The following MPP7 variants were observed in gnomAD, a reference collection of about 807,000 sequenced individuals.
MPP7 encodes the protein MAGUK p55 scaffold protein 7, also known as MAGUK p55 subfamily member 7.
MPP7 carries 60 observed loss-of-function variants against 76.5 expected under a neutral mutation model. The observed-to-expected ratio is 0.78, with a 90% confidence interval of 0.64 to 0.97. The LOEUF (loss-of-function observed/expected upper bound fraction) is 0.97, where lower values mean the gene tolerates loss of function less well. Among genes scored for constraint, MPP7 ranks in the 50% least tolerant of loss-of-function variants. MPP7 has a pLI of 0.00. For missense variants in MPP7, 641 were observed against 694.0 expected (o/e 0.92, Z 0.86); for synonymous variants, 237 against 244.5 (o/e 0.97, Z 0.29).
chr10:28,231,716 T>C (rs1838890299), intron 2 of MPP7, among the ~76,000 whole-genome samples: 1 of 152,202 alleles, frequency 6.6e-6, no homozygotes, highest in Non-Finnish European at 1.5e-5. Context: ...TCTTTTAACC[T>C]TTAAAATAAA....
At chr10:28,178,044 T>C (rs1447963588) in intron 3 of MPP7, among the ~76,000 whole-genome samples, 1 of 152,140 alleles carries the variant, frequency 6.6e-6, no homozygotes, top group Non-Finnish European at 1.5e-5. Context: ...TAACCAACAG[T>C]AGCTGATTTT....
chr10:28,296,370 T>C (rs1841035726), intron 1 of MPP7, among the ~76,000 whole-genome samples: 1 of 152,020 alleles, frequency 6.6e-6, no homozygotes, highest in Admixed American at 6.6e-5. Context: ...TTACTATTGC[T>C]CTCCTCCCCA....
chr10:28,234,557 T>G (rs1469204844), intron 2 of MPP7, among the ~76,000 whole-genome samples: 3 of 152,122 alleles, frequency 2.0e-5, no homozygotes, highest in Non-Finnish European at 4.4e-5. Flanking sequence ...TTTAGGCAGG[T>G]CACCAACATT....
chr10:28,116,291 T>C (rs1012089497), intron 11 of MPP7, among the ~76,000 whole-genome samples: 1 of 152,178 alleles, frequency 6.6e-6, no homozygotes, highest in Admixed American at 6.5e-5. Flanking sequence ...CCTATTTCTT[T>C]CTTAACGGTT....
chr10:28,173,512 G>C (rs1325549885), intron 3 of MPP7, among the ~76,000 whole-genome samples: 1 of 152,160 alleles, frequency 6.6e-6, no homozygotes, highest in African/African-American at 2.4e-5. Flanking sequence ...CTATGTATCA[G>C]CTCTGCTTTG....
chr10:28,232,475 T>C lies in MPP7; in HGVS notation c.37+6093A>G, dbSNP rs906932287. Among the ~76,000 whole-genome samples the C allele has an allele frequency of 3.3e-5, 5 of 151,928 alleles. No homozygotes were observed. The East Asian group carries it at 9.7e-4, about 29-fold the overall frequency. On this transcript the variant is annotated intron_variant, in intron 2 of 16. Transcript: ENST00000683449. ...TACACATGAAGAGGCAAGCAAAGAGTAGACAGCCAAAAATATAGAAGAAAA... is the reference window on the plus strand; with the variant it reads ...TACACATGAAGAGGCAAGCAAAGAGCAGACAGCCAAAAATATAGAAGAAAA...
chr10:28,224,846 G>A (rs1838635660), intron 2 of MPP7, among the ~76,000 whole-genome samples: 1 of 151,954 alleles, frequency 6.6e-6, no homozygotes, highest in Admixed American at 6.6e-5. Flanking sequence ...ATAAGAATTA[G>A]ATTTTGTTTA....
intron 2 of MPP7, among the ~76,000 whole-genome samples, chr10:28,312,697 G>A (rs1487007776): frequency 6.6e-6 from 1 of 152,220 alleles, no homozygotes; most frequent in East Asian, 1.9e-4. Context: ...ATAGTGAGAT[G>A]AGTCATTCAG....
At chr10:28,264,075 AC>A (rs1338399635) in intron 1 of MPP7, among the ~76,000 whole-genome samples, 5 of 152,060 alleles carry the variant, frequency 3.3e-5, no homozygotes, top group African/African-American at 1.2e-4. Flanking sequence ...GGCAGGATGA[AC>A]GCTTGAGGCC....
rs1430169105 is a variant in MPP7 at position 28,094,301 on chromosome 10, C to CA, written c.953-4461_953-4460insT. Among the ~76,000 whole-genome samples, 569 of 152,176 alleles carry CA rather than the reference C, an allele frequency of 3.7e-3. 1 individual carries two copies. Among genetic ancestry groups the CA allele is most frequent in the African/African-American group, 0.013 (533 of 41,498 alleles). On this transcript the variant is annotated intron_variant, in intron 11 of 16. Transcript: ENST00000683449. ...TGCAAAGGAGCAAAGGCAGTGAGGT[C>CA]GCAACAGGGGTTCCATGGGAGCAGC...
chr10:28,240,122 G>A (rs1839216714), intron 1 of MPP7, among the ~76,000 whole-genome samples: 2 of 152,064 alleles, frequency 1.3e-5, no homozygotes, highest in Admixed American at 6.5e-5. Flanking sequence ...GTAGAAATCA[G>A]AAGAACCATA....
chr10:28,146,007 A>G (rs1175292211), intron 5 of MPP7, among the ~76,000 whole-genome samples: 1 of 152,126 alleles, frequency 6.6e-6, no homozygotes, highest in Non-Finnish European at 1.5e-5. Flanking sequence ...TGTCTGAAAC[A>G]TGCTGCTTTC....
intron 1 of MPP7, among the ~76,000 whole-genome samples, chr10:28,296,862 T>C (rs1841048191): frequency 6.6e-6 from 1 of 152,240 alleles, no homozygotes; most frequent in African/African-American, 2.4e-5. Flanking sequence ...ATATGCACTT[T>C]ACCAGTTCTT....
intron 1 of MPP7, among the ~76,000 whole-genome samples, chr10:28,275,929 T>C (rs1201814196): frequency 6.6e-6 from 1 of 151,960 alleles, no homozygotes; most frequent in Non-Finnish European, 1.5e-5. Flanking sequence ...AAACCTTATG[T>C]ATCTCATAAT....
chr10:28,126,659 T>A lies in MPP7; in HGVS notation c.448-1568A>T, dbSNP rs1396677947. ...ATTCTGTCTATGAGTTCATTACTCT[T>A]GGGGGAGATTGTCTCTAAAAGGGGG... On this transcript the variant is annotated intron_variant, in intron 6 of 16. Transcript: ENST00000683449. Among the ~76,000 whole-genome samples, 5 of 152,208 alleles carry A rather than the reference T, an allele frequency of 3.3e-5. No homozygotes were observed. The East Asian group carries it at 9.6e-4, about 29-fold the overall frequency.
At position 28,069,630 on chromosome 10, in the gene MPP7, C is replaced by T. The variant is rs1382004080; in HGVS notation, c.1204+142G>A. On this transcript the variant is annotated intron_variant, in intron 13 of 16. Transcript: ENST00000683449. ...AAAAACAAAACAAACAAAAAAAAAACTCACATGCCCCATAAATACATATAC... is the reference window on the plus strand; with the variant it reads ...AAAAACAAAACAAACAAAAAAAAAATTCACATGCCCCATAAATACATATAC... 3 of 451,954 alleles carry T rather than the reference C, an allele frequency of 6.6e-6. No individual in the cohort carries two copies. In the East Asian group the frequency reaches 1.6e-4, roughly 23 times the overall value. The allele number at this position is 451,954 out of a possible 1,614,324, so 28.0% of individuals were successfully genotyped here.
chr10:28,232,560 T>C (rs1011256217), intron 2 of MPP7, among the ~76,000 whole-genome samples: 1 of 152,184 alleles, frequency 6.6e-6, no homozygotes, highest in Non-Finnish European at 1.5e-5. Context: ...TCCCCTGGAT[T>C]CTATAATACG....
At chr10:28,179,518 TTAA>T (rs913589054) in intron 3 of MPP7, among the ~76,000 whole-genome samples, 1 of 152,196 alleles carries the variant, frequency 6.6e-6, no homozygotes, top group African/African-American at 2.4e-5. Flanking sequence ...ATATCATACA[TTAA>T]TAATAATAAA....
intron 1 of MPP7, among the ~76,000 whole-genome samples, chr10:28,245,270 A>T (rs886444258): frequency 1.3e-5 from 2 of 152,096 alleles, no homozygotes; most frequent in East Asian, 3.9e-4. Flanking sequence ...GCATTCCCTT[A>T]AGTCCTCTCT....
Sources: gnomAD v4.1 joint callset for allele counts (sites outside exome capture counted in the v4.1 genomes callset) on GRCh38, gnomAD v4.1.1 for gene constraint, MANE v1.5 for transcripts, NCBI Gene and HGNC (gene_info 2026-07-23, HGNC 2026-07-21) for gene names.